ADK: variants seen among roughly 807,000 people sequenced by gnomAD.
ADK encodes the protein N6,N6-dimethyladenosine kinase.
Under a neutral mutation model 44.7 loss-of-function variants are expected in ADK, and 24 were observed. That is an observed-to-expected ratio of 0.54 (90% CI 0.39 to 0.76). The LOEUF (loss-of-function observed/expected upper bound fraction) is 0.76. ADK is among the 30% of genes least tolerant of loss of function. The pLI, the probability that ADK is intolerant of heterozygous loss-of-function variation, is 0.00. For missense variants in ADK, 321 were observed against 425.1 expected (o/e 0.76, Z 2.15); for synonymous variants, 128 against 142.6 (o/e 0.90, Z 0.73).
At chr10:74,457,299 A>G (rs1456175397) in intron 6 of ADK, among the ~76,000 whole-genome samples, 5 of 152,178 alleles carry the variant, frequency 3.3e-5, no homozygotes, top group South Asian at 4.1e-4. Context: ...GAATCCCTGA[A>G]TAGACCAATA....
At chr10:74,550,328 C>G (rs921862322) in intron 7 of ADK, among the ~76,000 whole-genome samples, 7 of 152,232 alleles carry the variant, frequency 4.6e-5, no homozygotes, top group African/African-American at 1.7e-4. Flanking sequence ...GCCTCAGCCT[C>G]CCAAAGTACT....
intron 3 of ADK, among the ~76,000 whole-genome samples, chr10:74,231,765 C>T (rs1314991789): frequency 6.7e-6 from 1 of 149,340 alleles, no homozygotes. Flanking sequence ...CATGCCTGGC[C>T]AAGAAAAGTT....
chr10:74,277,226 T>C (rs970813752), intron 3 of ADK, among the ~76,000 whole-genome samples: 3 of 152,066 alleles, frequency 2.0e-5, no homozygotes, highest in Admixed American at 6.6e-5. Flanking sequence ...CCTTTAAATA[T>C]CTTAATAAGA....
chr10:74,151,703 G>T (rs576884085), intron 1 of ADK, among the ~76,000 whole-genome samples: 1 of 152,224 alleles, frequency 6.6e-6, no homozygotes, highest in African/African-American at 2.4e-5. Flanking sequence ...CTTCCCGGGG[G>T]ATGGCGGGAA....
At chr10:74,664,502 G>C (rs1028261358) in intron 9 of ADK, among the ~76,000 whole-genome samples, 4 of 152,096 alleles carry the variant, frequency 2.6e-5, no homozygotes, top group Admixed American at 2.6e-4. Flanking sequence ...TGAATCATAC[G>C]AATACATTAC....
chr10:74,499,687 C>CA lies in ADK; in HGVS notation c.556-25557dup, dbSNP rs34761801. The stretch of plus-strand genomic sequence containing the variant: ...TGGGCGACAGAGCGAGACTCCATCT[C>CA]AAAAAAAAAAAAGTGACATTTTTAT... On this transcript the variant is annotated intron_variant, in intron 6 of 10. Transcript: ENST00000539909. Among the ~76,000 whole-genome samples, 351 of 136,886 alleles carry CA rather than the reference C, an allele frequency of 2.6e-3. 1 individual carries two copies. Among genetic ancestry groups the CA allele is most frequent in the Middle Eastern group, 3.7e-3 (1 of 270 alleles). 89.8% of individuals were successfully genotyped at this position (136,886 alleles called of 152,430 possible).
chr10:74,502,321 A>G (rs1387162573), intron 6 of ADK, among the ~76,000 whole-genome samples: 2 of 152,144 alleles, frequency 1.3e-5, no homozygotes, highest in African/African-American at 4.8e-5. Flanking sequence ...AAAAAGAAGC[A>G]TAGCTTCCTT....
At chr10:74,275,004 T>C (rs994315340) in intron 3 of ADK, among the ~76,000 whole-genome samples, 5 of 151,750 alleles carry the variant, frequency 3.3e-5, no homozygotes, top group Admixed American at 6.6e-5. Context: ...GACAGTTCTT[T>C]TGAGGGCCAG....
At chr10:74,274,516 T>G (rs1357538749) in intron 3 of ADK, among the ~76,000 whole-genome samples, 1 of 858 alleles carries the variant, frequency 1.2e-3, no homozygotes, top group Non-Finnish European at 2.6e-3. Flanking sequence ...GAGCCTGAAA[T>G]TGCGCCATTG....
At chr10:74,423,867 A>G in intron 6 of ADK, 1 of 258,990 alleles carries the variant, frequency 3.9e-6, no homozygotes, top group Non-Finnish European at 7.9e-6. Context: ...CAGTCTGTGT[A>G]AGGAAGGCTG....
At chr10:74,565,742 A>AC (rs1850642814) in intron 7 of ADK, among the ~76,000 whole-genome samples, 1 of 151,576 alleles carries the variant, frequency 6.6e-6, no homozygotes, top group Non-Finnish European at 1.5e-5. Context: ...AAAAAAAAAA[A>AC]AAAAAAACCA....
At chr10:74,187,261 AAT>A (rs1429031458) in intron 1 of ADK, among the ~76,000 whole-genome samples, 1 of 152,208 alleles carries the variant, frequency 6.6e-6, no homozygotes, top group Non-Finnish European at 1.5e-5. Context: ...ATCACTGAAT[AAT>A]ATTTCATTGT....
chr10:74,406,514 TA>T (rs1293011034), intron 6 of ADK, among the ~76,000 whole-genome samples: 2 of 38,976 alleles, frequency 5.1e-5, no homozygotes. Context: ...AAAATAATAA[TA>T]ATAATAATAA....
intron 4 of ADK, among the ~76,000 whole-genome samples, chr10:74,338,095 CTA>C (rs1282729487): frequency 6.1e-5 from 9 of 147,518 alleles, no homozygotes; most frequent in African/African-American, 2.2e-4. Context: ...TTTCTAGCCT[CTA>C]TACAGAATTT....
intron 9 of ADK, among the ~76,000 whole-genome samples, chr10:74,629,471 C>T (rs1046628100): frequency 2.6e-5 from 4 of 152,158 alleles, no homozygotes; most frequent in African/African-American, 4.8e-5. Context: ...GAAATGTCAG[C>T]AGATAAGGTA....
chr10:74,184,130 C>G (rs527442292), intron 1 of ADK, among the ~76,000 whole-genome samples: 15 of 151,938 alleles, frequency 9.9e-5, no homozygotes, highest in Non-Finnish European at 1.3e-4. Flanking sequence ...GTTGGCAAGG[C>G]TGGTCTTGAA....
intron 6 of ADK, among the ~76,000 whole-genome samples, chr10:74,480,049 A>G (rs2133345504): frequency 6.6e-6 from 1 of 152,214 alleles, no homozygotes; most frequent in South Asian, 2.1e-4. Context: ...GCGTATGTGT[A>G]CAGTATCCTC....
At chr10:74,539,866 C>G (rs1849567595) in intron 7 of ADK, among the ~76,000 whole-genome samples, 1 of 152,132 alleles carries the variant, frequency 6.6e-6, no homozygotes, top group Non-Finnish European at 1.5e-5. Context: ...ATTTACTCAT[C>G]TGAAAAAAGT....
At chr10:74,215,788 C>T (rs1311643223) in intron 2 of ADK, among the ~76,000 whole-genome samples, 4 of 150,882 alleles carry the variant, frequency 2.7e-5, no homozygotes, top group Non-Finnish European at 2.9e-5. Flanking sequence ...GCCTCAGCCT[C>T]CCAAGCAGCT....
Sources: gnomAD v4.1 joint callset for allele counts (sites outside exome capture counted in the v4.1 genomes callset) on GRCh38, gnomAD v4.1.1 for gene constraint, MANE v1.5 for transcripts, NCBI Gene and HGNC (gene_info 2026-07-23, HGNC 2026-07-21) for gene names.